The following JADE2 variants were observed in gnomAD, a reference collection of about 807,000 sequenced individuals.
JADE2 encodes E3 ubiquitin-protein ligase Jade-2.
Under a neutral mutation model 85.7 loss-of-function variants are expected in JADE2, and 13 were observed. That is an observed-to-expected ratio of 0.15 (90% CI 0.10 to 0.24). The LOEUF (loss-of-function observed/expected upper bound fraction) is 0.24. Ranked by LOEUF, JADE2 falls within the 10% of genes least tolerant of loss-of-function variation. The pLI is 1.00. For synonymous variants in JADE2, 440 were observed against 456.1 expected (o/e 0.96, Z 0.45); for missense variants, 846 against 1,115.9 (o/e 0.76, Z 3.45).
chr5:134,534,126 G>A (rs959773986), intron 1 of JADE2, among the ~76,000 whole-genome samples: 6 of 152,168 alleles, frequency 3.9e-5, no homozygotes, highest in Non-Finnish European at 7.3e-5. Context: ...GAAGTCAGAA[G>A]GTCAAGAGCA....
At chr5:134,533,920 A>C (rs964912870) in intron 1 of JADE2, among the ~76,000 whole-genome samples, 2 of 151,492 alleles carry the variant, frequency 1.3e-5, no homozygotes, top group African/African-American at 2.4e-5. Context: ...CTAATTTTTA[A>C]ATTTTTTGTA....
At position 134,535,936 on chromosome 5, in the gene JADE2, C is replaced by G. The variant is rs897682700; in HGVS notation, c.58+21C>G. On this transcript the variant is annotated intron_variant, in intron 2 of 11. Coordinates refer to ENST00000681547, the MANE Select transcript of JADE2 (RefSeq NM_001388185.1). ...TGACAGTAAGGCCTTCCAGTTTGGG[C>G]TCCTACAGGGAAAGCATTTGAACAG... is the stretch of plus-strand genomic sequence containing the variant. 3 of 1,608,506 alleles carry G rather than the reference C, an allele frequency of 1.9e-6. No individual in the cohort carries two copies. The Middle Eastern group carries it at 5.0e-4, about 265-fold the overall frequency.
rs1296446817 is a variant in JADE2 at position 134,562,919 on chromosome 5, C to T, written c.852+552C>T. Among the ~76,000 whole-genome samples, 2 of 152,102 alleles carry T rather than the reference C, an allele frequency of 1.3e-5. No homozygotes were observed. Among genetic ancestry groups the T allele is most frequent in the Non-Finnish European group, 2.9e-5 (2 of 68,022 alleles). On this transcript the variant is annotated intron_variant, in intron 7 of 11. Coordinates refer to ENST00000681547, the MANE Select transcript of JADE2 (RefSeq NM_001388185.1). The surrounding 1 kb of genome is among the most constrained non-coding windows in gnomAD (Gnocchi z 4.6). Reference sequence around the variant, plus strand: ...GGGGTTAGGGACCGCTAGGAGATTTCAGGAGATAGGGATGAGGTCTGGACA... The same window carrying T: ...GGGGTTAGGGACCGCTAGGAGATTTTAGGAGATAGGGATGAGGTCTGGACA...
chr5:134,528,008 T>G (rs983511537), intron 1 of JADE2, among the ~76,000 whole-genome samples: 7 of 151,624 alleles, frequency 4.6e-5, no homozygotes, highest in African/African-American at 1.7e-4. Flanking sequence ...CATCGAGAGG[T>G]GTCATGTTTC....
intron 1 of JADE2, chr5:134,526,565 C>G: frequency 1.0e-6 from 1 of 985,424 alleles, no homozygotes; most frequent in East Asian, 1.1e-4. Context: ...TGCACATGAC[C>G]TCGCGCTGGG....
intron 9 of JADE2, among the ~76,000 whole-genome samples, chr5:134,567,209 G>A (rs990307416): frequency 2.0e-5 from 3 of 152,176 alleles, no homozygotes; most frequent in Non-Finnish European, 2.9e-5. Context: ...CTGGTGGATC[G>A]CACGAGACTG....
intron 10 of JADE2, 169 bp downstream of exon 10, chr5:134,573,931 G>A (rs1175724004): frequency 2.9e-6 from 2 of 699,988 alleles, no homozygotes; most frequent in African/African-American, 1.8e-5. Context: ...CCAGACGGGG[G>A]CCTGCAAGGG....
chr5:134,551,062 TGTTTGCATAAG>T (rs749819704), intron 3 of JADE2, among the ~76,000 whole-genome samples: 46 of 152,136 alleles, frequency 3.0e-4, no homozygotes, highest in Non-Finnish European at 6.3e-4. Flanking sequence ...GTCCCCCAGC[TGTTTGCATAAG>T]GTTTGCATAA....
intron 9 of JADE2, among the ~76,000 whole-genome samples, chr5:134,568,620 G>A (rs1763796440): frequency 6.6e-6 from 1 of 152,216 alleles, no homozygotes; most frequent in Admixed American, 6.5e-5. Flanking sequence ...AGGGGGCCCT[G>A]TCAAATGCTG....
At chr5:134,561,597 C>T (rs1300252828) in intron 6 of JADE2, among the ~76,000 whole-genome samples, 1 of 152,126 alleles carries the variant, frequency 6.6e-6, no homozygotes, top group Admixed American at 6.5e-5. Flanking sequence ...ACCTAGTGGA[C>T]CCACTCTGGC....
At chr5:134,526,239 A>G (rs1277873141) in intron 1 of JADE2, 1 of 985,392 alleles carries the variant, frequency 1.0e-6, no homozygotes, top group Non-Finnish European at 1.2e-6. Context: ...TAAAGAGTAC[A>G]GTGCGGGGAG....
rs1764659535 is a variant in JADE2 at position 134,580,480 on chromosome 5, T to G, written c.*1163T>G. On this transcript the variant is annotated 3_prime_UTR_variant, in exon 12 of 12. Coordinates refer to ENST00000681547, the MANE Select transcript of JADE2 (RefSeq NM_001388185.1). Reference sequence around the variant, plus strand: ...CCGTCCTGCCTTCCCCACCCCACCCTTAGGTCCCAGGTAGTTGCTCTGAAG... The same window carrying G: ...CCGTCCTGCCTTCCCCACCCCACCCGTAGGTCCCAGGTAGTTGCTCTGAAG... 1 of 51,708 alleles carries G rather than the reference T, an allele frequency of 1.9e-5. No homozygotes were observed. Among genetic ancestry groups the G allele is most frequent in the Non-Finnish European group, 3.7e-5 (1 of 26,992 alleles). 3.2% of individuals were successfully genotyped at this position (51,708 alleles called of 1,614,324 possible).
intron 9 of JADE2, among the ~76,000 whole-genome samples, chr5:134,567,499 T>C (rs1479524683): frequency 1.3e-5 from 2 of 152,086 alleles, no homozygotes; most frequent in Admixed American, 1.3e-4. Context: ...TTTCTAGGGT[T>C]CCAGAGCATA....
At chr5:134,541,197 A>G (rs992808224) in intron 3 of JADE2, among the ~76,000 whole-genome samples, 1 of 152,214 alleles carries the variant, frequency 6.6e-6, no homozygotes, top group Admixed American at 6.5e-5. Flanking sequence ...GTTGCCCAGC[A>G]CAAGCTTTTC....
chr5:134,556,942 TAC>T (rs1175079951), intron 4 of JADE2, among the ~76,000 whole-genome samples: 1 of 47,570 alleles, frequency 2.1e-5, no homozygotes, highest in Non-Finnish European at 4.2e-5. Context: ...ACACAACACA[TAC>T]ACACACACCA....
At chr5:134,539,219 A>C (rs907149643) in intron 3 of JADE2, among the ~76,000 whole-genome samples, 2 of 151,548 alleles carry the variant, frequency 1.3e-5, no homozygotes, top group African/African-American at 2.4e-5. Flanking sequence ...CCGCCACCAC[A>C]CCCGGCTAAT....
chr5:134,553,376 A>G (rs1428629338), intron 4 of JADE2, among the ~76,000 whole-genome samples: 1 of 137,646 alleles, frequency 7.3e-6, no homozygotes, highest in Non-Finnish European at 1.6e-5. Context: ...TTTTTTTGAG[A>G]CGGAGTCTCG....
chr5:134,549,190 T>G (rs1762464452), intron 3 of JADE2, among the ~76,000 whole-genome samples: 1 of 152,018 alleles, frequency 6.6e-6, no homozygotes. Context: ...ACTCCCTCAG[T>G]TGGTGATCAG....
chr5:134,525,383 G>A (rs1347183478), upstream of JADE2, among the ~76,000 whole-genome samples: 1 of 151,994 alleles, frequency 6.6e-6, no homozygotes, highest in Non-Finnish European at 1.5e-5. Context: ...AGTCCATGGG[G>A]AGTCCGGGCC....
Sources: gnomAD v4.1 joint callset for allele counts (sites outside exome capture counted in the v4.1 genomes callset) on GRCh38, gnomAD v4.1.1 for gene constraint, Gnocchi (gnomAD v3.1) non-coding constraint, MANE v1.5 for transcripts, NCBI Gene and HGNC (gene_info 2026-07-23, HGNC 2026-07-21) for gene names.